The following USP32 variants were observed in gnomAD, a reference collection of about 807,000 sequenced individuals.
USP32 encodes ubiquitin specific peptidase 32.
In USP32, 59 loss-of-function variants were observed where a neutral mutation model predicts 204.8. That is an observed-to-expected ratio of 0.29 (90% CI 0.23 to 0.36). USP32 has a LOEUF of 0.36. USP32 is among the 10% of genes least tolerant of loss of function. The pLI is 1.00. For synonymous variants in USP32, 517 were observed against 678.4 expected, an observed-to-expected ratio of 0.76 and a Z score of 3.70; for missense variants, 1,160 against 1,946.4, an observed-to-expected ratio of 0.60 and a Z score of 7.60.
intron 20 of USP32, 110 bp from the exon 21 acceptor site, chr17:60,211,228 A>C: frequency 1.3e-6 from 2 of 1,503,956 alleles, no homozygotes; most frequent in South Asian, 2.7e-5. Flanking sequence ...TTTTGAAACA[A>C]GAGATGTATT....
intron 1 of USP32, among the ~76,000 whole-genome samples, chr17:60,387,162 T>C (rs1161871117): frequency 6.6e-6 from 1 of 152,214 alleles, no homozygotes. Flanking sequence ...TACATTATGC[T>C]AAACGAACTA....
chr17:60,179,949 C>T (rs1409342223), intron 33 of USP32, among the ~76,000 whole-genome samples: 2 of 152,168 alleles, frequency 1.3e-5, no homozygotes, highest in African/African-American at 2.4e-5. Flanking sequence ...GGATTACAGG[C>T]GTGAGCCACC....
At chr17:60,315,927 A>G (rs1160320496) in intron 2 of USP32, 5 of 158,840 alleles carry the variant, frequency 3.1e-5, no homozygotes, top group Non-Finnish European at 6.9e-5. Flanking sequence ...TGCACCCTCT[A>G]TTGGAGGGGT....
intron 12 of USP32, among the ~76,000 whole-genome samples, chr17:60,232,386 T>G (rs2085587568): frequency 6.6e-6 from 1 of 151,294 alleles, no homozygotes; most frequent in Admixed American, 6.6e-5. Flanking sequence ...TTGGCCAGGC[T>G]GGTCTGGAAC....
chr17:60,262,169 T>G (rs897605594), intron 9 of USP32, among the ~76,000 whole-genome samples: 1 of 152,130 alleles, frequency 6.6e-6, no homozygotes, highest in African/African-American at 2.4e-5. Flanking sequence ...TATGGCTTAT[T>G]TATTTTGTTT....
Position 60,344,330 on chromosome 17 carries a change from A to G in USP32, c.186+1151T>C, listed in dbSNP as rs543166419. Among the ~76,000 whole-genome samples the G allele has an allele frequency of 2.5e-3, 382 of 152,088 alleles. 2 individuals carry two copies. The highest frequency in any genetic ancestry group is 8.6e-3 in the African/African-American group (358 of 41,502). The stretch of plus-strand genomic sequence containing the variant: ...TTTTTAGTAGAAATGGTGTTTTACC[A>G]TGTTGGCCAGGCTGGTCTCGAATTC... On this transcript the variant is annotated intron_variant, in intron 2 of 33. Transcript: ENST00000300896.
chr17:60,241,553 TG>T (rs142869159), intron 11 of USP32, among the ~76,000 whole-genome samples: 3,276 of 152,304 alleles, frequency 0.022, 138 homozygotes, highest in African/African-American at 0.075. Context: ...AATGTTTCTG[TG>T]GAGAGACAGG....
chr17:60,311,763 TGC>T (rs1203241586), intron 2 of USP32, among the ~76,000 whole-genome samples: 1 of 152,104 alleles, frequency 6.6e-6, no homozygotes, highest in Admixed American at 6.5e-5. Context: ...AGGCGCACGT[TGC>T]AGTGAGCTGA....
chr17:60,374,959 A>T (rs2089511348), intron 1 of USP32, among the ~76,000 whole-genome samples: 1 of 152,226 alleles, frequency 6.6e-6, no homozygotes, highest in Non-Finnish European at 1.5e-5. Context: ...TTTTATGTAC[A>T]TTATGATTAA....
chr17:60,422,318 C>A (rs902538593), exon 1 of USP32: 11 of 635,372 alleles, frequency 1.7e-5, no homozygotes, highest in Non-Finnish European at 2.7e-5. Flanking sequence ...GCCTGCTGTG[C>A]GCTCTGCCAA....
At chr17:60,384,566 C>T (rs561392382) in intron 1 of USP32, among the ~76,000 whole-genome samples, 2 of 152,060 alleles carry the variant, frequency 1.3e-5, no homozygotes, top group South Asian at 2.1e-4. Context: ...CCGAGGCGGG[C>T]GGATCACCTG....
chr17:60,271,532 G>A, intron 5 of USP32, 51 bp from the exon 6 acceptor site: 2 of 1,581,464 alleles, frequency 1.3e-6, no homozygotes, highest in Non-Finnish European at 1.7e-6. Context: ...CTCTTCTCAG[G>A]AGTTCAGTTC....
At chr17:60,298,808 C>T (rs1444865822) in intron 3 of USP32, among the ~76,000 whole-genome samples, 2 of 152,120 alleles carry the variant, frequency 1.3e-5, no homozygotes, top group Non-Finnish European at 2.9e-5. Context: ...GTTTACTGGG[C>T]ATATACACGT....
chr17:60,349,599 ATATATATATATAT>A (rs2088882420), intron 1 of USP32, among the ~76,000 whole-genome samples: 2 of 42,812 alleles, frequency 4.7e-5, no homozygotes, highest in Non-Finnish European at 7.4e-5. Context: ...AAAAAAAAAT[ATATATATATATAT>A]ATATATATAT....
intron 11 of USP32, chr17:60,245,671 C>T (rs2086000705): frequency 4.5e-6 from 1 of 220,082 alleles, no homozygotes; most frequent in South Asian, 7.8e-5. Context: ...AGATGGCTGC[C>T]ACCTCCGTAG....
intron 2 of USP32, 145 bp downstream of exon 2, chr17:60,345,336 C>G (rs1232176528): frequency 5.9e-6 from 7 of 1,178,552 alleles, no homozygotes; most frequent in Middle Eastern, 2.9e-4. Context: ...ACGTTGACAT[C>G]TAAAACAAAA....
intron 11 of USP32, 70 bp from the exon 12 acceptor site, chr17:60,236,310 A>G (rs2085723906): frequency 2.2e-6 from 3 of 1,339,588 alleles, no homozygotes; most frequent in African/African-American, 2.9e-5. Context: ...AAAAATTATC[A>G]TTAGAAGTTT....
chr17:60,421,652 G>C (rs1367325449), intron 1 of USP32: 3 of 944,806 alleles, frequency 3.2e-6, no homozygotes, highest in Non-Finnish European at 3.8e-6. Flanking sequence ...GACGCGAGGG[G>C]GCGCTGCTGC....
chr17:60,406,987 C>G (rs2089980937), intron 1 of USP32, among the ~76,000 whole-genome samples: 1 of 152,098 alleles, frequency 6.6e-6, no homozygotes, highest in Admixed American at 6.6e-5. Flanking sequence ...GGAAGCTAGA[C>G]AAAACATACA....
Sources: allele counts gnomAD v4.1 joint callset (sites outside exome capture counted in the v4.1 genomes callset), GRCh38; gene constraint gnomAD v4.1.1; transcripts MANE v1.5; gene names NCBI Gene and HGNC (gene_info 2026-07-23, HGNC 2026-07-21).